ZBTB20: variants seen among roughly 807,000 people sequenced by gnomAD.
The protein encoded by ZBTB20 is zinc finger and BTB domain-containing protein 20.
ZBTB20 carries 9 observed loss-of-function variants against 56.9 expected under a neutral mutation model. That is an observed-to-expected ratio of 0.16 (90% CI 0.10 to 0.28). The LOEUF (loss-of-function observed/expected upper bound fraction) is 0.28, where lower values mean the gene tolerates loss of function less well. Ranked by LOEUF, ZBTB20 falls within the 10% of genes least tolerant of loss-of-function variation. ZBTB20 has a pLI of 1.00. For missense variants in ZBTB20, 655 were observed against 1,003.0 expected (o/e 0.65, Z 4.69); for synonymous variants, 417 against 420.7 (o/e 0.99, Z 0.11).
intron 6 of ZBTB20, among the ~76,000 whole-genome samples, chr3:114,652,132 A>G (rs1229830730): frequency 6.6e-6 from 1 of 152,056 alleles, no homozygotes; most frequent in Admixed American, 6.5e-5. Flanking sequence ...ATGTATATAT[A>G]AAAATGTATA....
intron 7 of ZBTB20, among the ~76,000 whole-genome samples, chr3:114,429,821 T>C (rs1176208743): frequency 6.6e-6 from 1 of 152,124 alleles, no homozygotes; most frequent in East Asian, 1.9e-4. Flanking sequence ...TTATAAGTAA[T>C]TTAGAGATGA....
chr3:114,875,764 TTAAAA>T (rs2107560872), intron 4 of ZBTB20, among the ~76,000 whole-genome samples: 1 of 152,234 alleles, frequency 6.6e-6, no homozygotes, highest in South Asian at 2.1e-4. Flanking sequence ...ATCTGCAAAA[TTAAAA>T]TAATAACACC....
rs577429432 is a variant in ZBTB20, at chr3:114,854,838, A to G, written c.-417+45466T>C. 2.6e-5 allele frequency among the ~76,000 whole-genome samples: 4 copies of G among 152,318 alleles called. No homozygotes were observed. The South Asian group carries it at 8.3e-4, about 32-fold the overall frequency. On this transcript the variant is annotated intron_variant, in intron 4 of 11. Transcript: ENST00000675478. ...CATTGCTGCACTCTGATCAGTAATT[A>G]TTTTATTCAATGAATCATTTCACTT...
intron 4 of ZBTB20, among the ~76,000 whole-genome samples, chr3:114,893,842 C>T (rs530576951): frequency 6.6e-5 from 10 of 152,274 alleles, no homozygotes; most frequent in South Asian, 4.1e-4. Context: ...CCAGAATCAA[C>T]GCTTGCAGTC....
chr3:114,658,320 T>A (rs2060525165), intron 6 of ZBTB20: 1 of 151,968 alleles, frequency 6.6e-6, no homozygotes, highest in African/African-American at 2.4e-5. Flanking sequence ...TTCATTATTT[T>A]TTAAGTCATT....
At chr3:114,783,005 A>T (rs1453326406) in intron 5 of ZBTB20, among the ~76,000 whole-genome samples, 2 of 152,164 alleles carry the variant, frequency 1.3e-5, no homozygotes, top group African/African-American at 4.8e-5. Context: ...TTTATTCATG[A>T]ATATTCATTC....
At chr3:114,854,168 G>C (rs1161362551) in intron 4 of ZBTB20, among the ~76,000 whole-genome samples, 1 of 152,074 alleles carries the variant, frequency 6.6e-6, no homozygotes, top group Non-Finnish European at 1.5e-5. Context: ...AACAGGAATA[G>C]CAATACTTCC....
chr3:114,585,152 C>T (rs921193395), intron 6 of ZBTB20, among the ~76,000 whole-genome samples: 3 of 151,868 alleles, frequency 2.0e-5, no homozygotes, highest in Non-Finnish European at 4.4e-5. Flanking sequence ...AACAGAACGG[C>T]GAGAGGCTGA....
intron 3 of ZBTB20, among the ~76,000 whole-genome samples, chr3:114,960,947 T>G (rs988645539): frequency 6.6e-6 from 1 of 150,842 alleles, no homozygotes; most frequent in African/African-American, 2.4e-5. Context: ...AAGGAAGGAG[T>G]GGTCAGCAAG....
At chr3:114,907,622 G>C (rs1490925806) in intron 3 of ZBTB20, among the ~76,000 whole-genome samples, 3 of 151,814 alleles carry the variant, frequency 2.0e-5, no homozygotes, top group African/African-American at 7.3e-5. Context: ...TATGTTCCCT[G>C]CAAGACCATC....
chr3:114,392,175 C>CA (rs2085939634), intron 7 of ZBTB20, among the ~76,000 whole-genome samples: 1 of 151,950 alleles, frequency 6.6e-6, no homozygotes, highest in Non-Finnish European at 1.5e-5. Flanking sequence ...TTAATGGGTA[C>CA]AAAAAATAGA....
chr3:114,777,914 CATAAAAAATG>C (rs1165411541), intron 5 of ZBTB20, among the ~76,000 whole-genome samples: 1 of 151,572 alleles, frequency 6.6e-6, no homozygotes, highest in Non-Finnish European at 1.5e-5. Context: ...ACTATGCAGC[CATAAAAAATG>C]ATGAGTTCAT....
intron 6 of ZBTB20, among the ~76,000 whole-genome samples, chr3:114,583,213 G>A (rs1421733093): frequency 6.6e-6 from 1 of 152,232 alleles, no homozygotes; most frequent in Middle Eastern, 3.4e-3. Context: ...CATTGTGGAA[G>A]AAAAGTGCCA....
chr3:115,116,099 G>T (rs1389410775), intron 1 of ZBTB20, among the ~76,000 whole-genome samples: 1 of 151,674 alleles, frequency 6.6e-6, no homozygotes, highest in Non-Finnish European at 1.5e-5. Context: ...TGTCTGTTTT[G>T]TAAGAGTTAG....
chr3:114,940,487 A>T (rs1391160401), intron 3 of ZBTB20, among the ~76,000 whole-genome samples: 1 of 145,294 alleles, frequency 6.9e-6, no homozygotes, highest in Non-Finnish European at 1.5e-5. Context: ...AGTTTCATAG[A>T]TTGCTGTCAT....
intron 6 of ZBTB20, among the ~76,000 whole-genome samples, chr3:114,666,619 T>A (rs1161686634): frequency 2.0e-5 from 3 of 152,050 alleles, no homozygotes; most frequent in Non-Finnish European, 4.4e-5. Flanking sequence ...TGATCCTATA[T>A]AGTCTTGTGA....
At chr3:114,425,965 A>G (rs1475147690) in intron 7 of ZBTB20, among the ~76,000 whole-genome samples, 1 of 152,176 alleles carries the variant, frequency 6.6e-6, no homozygotes, top group African/African-American at 2.4e-5. Context: ...TTTTCTTATG[A>G]TGATGTTAAC....
chr3:114,498,116 A>G (rs1183388503), intron 7 of ZBTB20, among the ~76,000 whole-genome samples: 1 of 152,192 alleles, frequency 6.6e-6, no homozygotes, highest in Non-Finnish European at 1.5e-5. Flanking sequence ...ATAAATCTGA[A>G]TCTGAATTGT....
At chr3:115,114,959 C>G (rs1037163936) in intron 1 of ZBTB20, among the ~76,000 whole-genome samples, 4 of 152,064 alleles carry the variant, frequency 2.6e-5, no homozygotes, top group African/African-American at 9.7e-5. Flanking sequence ...TATTACTTCT[C>G]AATACTCTAC....
Sources: gnomAD v4.1 joint callset for allele counts (sites outside exome capture counted in the v4.1 genomes callset) on GRCh38, gnomAD v4.1.1 for gene constraint, MANE v1.5 for transcripts, NCBI Gene and HGNC (gene_info 2026-07-23, HGNC 2026-07-21) for gene names.